Variants in KANK4 observed in about 807,000 individuals in gnomAD.
The protein encoded by KANK4 is KN motif and ankyrin repeat domains 4, also known as KN motif and ankyrin repeat domain-containing protein 4.
Under a neutral mutation model 80.8 loss-of-function variants are expected in KANK4, and 50 were observed. That is an observed-to-expected ratio of 0.62 (90% CI 0.49 to 0.78). The LOEUF (loss-of-function observed/expected upper bound fraction) is 0.78, where lower values mean the gene tolerates loss of function less well. Ranked by LOEUF, KANK4 falls within the 30% of genes least tolerant of loss-of-function variation. The pLI, the probability that KANK4 is intolerant of heterozygous loss-of-function variation, is 0.00. For synonymous variants in KANK4, 465 were observed against 506.9 expected (o/e 0.92, Z 1.11); for missense variants, 1,196 against 1,240.1 (o/e 0.96, Z 0.53).
chr1:62,309,421 T>C (rs779719182), intron 1 of KANK4, among the ~76,000 whole-genome samples: 1 of 152,194 alleles, frequency 6.6e-6, no homozygotes, highest in Non-Finnish European at 1.5e-5. Context: ...CCTGGTAGCA[T>C]CCACAGGCAG....
chr1:62,288,771 A>G (rs1672622995), intron 1 of KANK4, among the ~76,000 whole-genome samples: 1 of 151,880 alleles, frequency 6.6e-6, no homozygotes, highest in Admixed American at 6.6e-5. Flanking sequence ...AAAGACCCCC[A>G]CTCCACATCT....
intron 1 of KANK4, among the ~76,000 whole-genome samples, chr1:62,309,306 T>C (rs1644479571): frequency 6.6e-6 from 1 of 152,158 alleles, no homozygotes; most frequent in Non-Finnish European, 1.5e-5. Flanking sequence ...AGATTGCATG[T>C]CCTAATACCA....
At chr1:62,293,411 A>G (rs1375656808) in intron 1 of KANK4, among the ~76,000 whole-genome samples, 2 of 152,098 alleles carry the variant, frequency 1.3e-5, no homozygotes, top group Non-Finnish European at 2.9e-5. Flanking sequence ...CTTGAAATCT[A>G]TAATTCTCAA....
intron 8 of KANK4, among the ~76,000 whole-genome samples, chr1:62,250,088 C>G (rs188875894): frequency 1.3e-5 from 2 of 152,118 alleles, no homozygotes; most frequent in Non-Finnish European, 2.9e-5. Context: ...TGGGTTCAAG[C>G]GATTCTCCTG....
At chr1:62,318,245 T>C (rs1644558588) in intron 1 of KANK4, among the ~76,000 whole-genome samples, 3 of 152,196 alleles carry the variant, frequency 2.0e-5, no homozygotes, top group Admixed American at 2.0e-4. Flanking sequence ...ATACTCCCTC[T>C]TTGCCCTAAA....
chr1:62,238,531 T>C, intron 9 of KANK4, 150 bp from the exon 10 acceptor site: 1 of 601,142 alleles, frequency 1.7e-6, no homozygotes, highest in Non-Finnish European at 3.0e-6. Flanking sequence ...TCGAATGGCA[T>C]GAGGATCACC....
intron 1 of KANK4, among the ~76,000 whole-genome samples, chr1:62,292,015 C>T (rs1382284623): frequency 1.3e-5 from 2 of 152,152 alleles, no homozygotes; most frequent in Non-Finnish European, 2.9e-5. Flanking sequence ...ATGCCCTACT[C>T]GTTAGCAGTT....
rs1373272241 is a variant in KANK4 at position 62,274,400 on chromosome 1, G to A, written c.704C>T (p.Pro235Leu). ...PELVQEGAEP[P>L]EGVVKVPNHL... ...ATTTGGAACCTTCACCACACCCTCT[G>A]GAGGCTCAGCTCCCTCCTGGACCAG... Residue 235 changes from proline to leucine, a missense_variant, in exon 3 of 10, where the codon CCA becomes CTA. Coordinates refer to ENST00000371153, the MANE Select transcript of KANK4 (RefSeq NM_181712.5). The A allele has an allele frequency of 1.9e-6, 3 of 1,614,202 alleles. No homozygotes were observed. The highest frequency in any genetic ancestry group is 2.5e-6 in the Non-Finnish European group (3 of 1,180,024).
chr1:62,317,941 T>C (rs1448838216), intron 1 of KANK4, among the ~76,000 whole-genome samples: 2 of 152,150 alleles, frequency 1.3e-5, no homozygotes. Flanking sequence ...CAAAACTCAC[T>C]TTCCCCAGGT....
At chr1:62,254,341 G>A (rs1476027159) in intron 7 of KANK4, among the ~76,000 whole-genome samples, 1 of 152,094 alleles carries the variant, frequency 6.6e-6, no homozygotes, top group Non-Finnish European at 1.5e-5. Context: ...CTGCCTCCCG[G>A]GTTCAAGTGA....
Position 62,278,783 on chromosome 1 carries a change from G to A in KANK4, c.16+2766C>T, listed in dbSNP as rs78984883. Among the ~76,000 whole-genome samples the A allele has an allele frequency of 7.8e-4, 118 of 152,112 alleles. 1 individual carries two copies. Among genetic ancestry groups the A allele is most frequent in the African/African-American group, 2.8e-3 (116 of 41,508 alleles). On this transcript the variant is annotated intron_variant, in intron 2 of 9. Transcript: ENST00000371153. Reference sequence around the variant, plus strand: ...ACACTGGCAATTTTAGTAAATGAGAGCAATATCTTGTATTTCTCTCCATTA... The same window carrying A: ...ACACTGGCAATTTTAGTAAATGAGAACAATATCTTGTATTTCTCTCCATTA...
Position 62,238,160 on chromosome 1 carries a change from A to G in KANK4, c.*117T>C, listed in dbSNP as rs1218136875. On this transcript the variant is annotated 3_prime_UTR_variant, in exon 10 of 10. Transcript: ENST00000371153. ...ACAGGAATGTATGTGCATATTTGAC[A>G]TAGTTTCTTCTCTAGAAGGGTGGCT... is the stretch of plus-strand genomic sequence containing the variant. 6.2e-6 allele frequency: 4 copies of G among 650,034 alleles called. No homozygotes were observed. The highest frequency in any genetic ancestry group is 4.1e-5 in the South Asian group (2 of 48,808). The allele number at this position is 650,034 out of a possible 1,614,324, so 40.3% of individuals were successfully genotyped here. A position where few individuals can be genotyped will look rare whatever the true frequency, so the allele number is the denominator to read the frequency against.
chr1:62,263,824 C>T (rs1193740332), intron 6 of KANK4, among the ~76,000 whole-genome samples: 2 of 152,160 alleles, frequency 1.3e-5, no homozygotes, highest in Non-Finnish European at 2.9e-5. Context: ...AAATAAAACC[C>T]AAACAGGTGT....
At chr1:62,308,796 A>G (rs1644474403) in intron 1 of KANK4, among the ~76,000 whole-genome samples, 1 of 152,192 alleles carries the variant, frequency 6.6e-6, no homozygotes, top group African/African-American at 2.4e-5. Flanking sequence ...ACGATCTGGG[A>G]AAAATGTCAC....
chr1:62,244,167 C>A (rs1475710551), intron 9 of KANK4, among the ~76,000 whole-genome samples: 1 of 151,884 alleles, frequency 6.6e-6, no homozygotes, highest in African/African-American at 2.4e-5. Flanking sequence ...AGTCACTGAA[C>A]CTAGATTCAA....
rs976128008 is a variant in KANK4 at position 62,259,965 on chromosome 1, G to A, written c.2539+3127C>T. On this transcript the variant is annotated intron_variant, in intron 7 of 9. Coordinates refer to ENST00000371153, the MANE Select transcript of KANK4 (RefSeq NM_181712.5). ...ATTTGACCGAGGCCCATGCACTTTC[G>A]CTCAGCCTCATCATGCACCTGTCTT... is the stretch of plus-strand genomic sequence containing the variant. Among the ~76,000 whole-genome samples, 5 of 151,924 alleles carry A rather than the reference G, an allele frequency of 3.3e-5. No individual in the cohort carries two copies. The East Asian group carries it at 5.8e-4, about 18-fold the overall frequency.
chr1:62,253,130 A>C lies in KANK4; in HGVS notation c.2619T>G (p.Asn873Lys). ...GCTTCCAGACAACAGCCATGTCTTC[A>C]TTGGTCTCTGCGGAAGCCAAGGGAG... ...MITPLASAETNEDMAVVWKLL... is the reference protein window; with the variant it reads ...MITPLASAETKEDMAVVWKLL... Residue 873 changes from asparagine to lysine, a missense_variant, in exon 8 of 10, where the codon AAT becomes AAG. This residue lies in a region of KANK4 where 1,154 missense variants were observed against 1,179.6 expected (regional missense o/e 0.98). Coordinates refer to ENST00000371153, the MANE Select transcript of KANK4 (RefSeq NM_181712.5). 6.2e-7 allele frequency: 1 copy of C among 1,613,962 alleles called. No homozygotes were observed. Among genetic ancestry groups the C allele is most frequent in the Non-Finnish European group, 8.5e-7 (1 of 1,179,946 alleles).
At chr1:62,238,632 C>CTTTTT (rs199999610) in intron 9 of KANK4, among the ~76,000 whole-genome samples, 1 of 142,216 alleles carries the variant, frequency 7.0e-6, no homozygotes. Context: ...TTTTAATGCT[C>CTTTTT]TTTTTTTTTT....
intron 1 of KANK4, among the ~76,000 whole-genome samples, chr1:62,300,037 C>A (rs1450646253): frequency 1.3e-5 from 2 of 152,076 alleles, no homozygotes; most frequent in African/African-American, 4.8e-5. Flanking sequence ...ACCTGCCAAG[C>A]CCAACACAAA....
Sources: gnomAD v4.1 joint callset for allele counts (sites outside exome capture counted in the v4.1 genomes callset) on GRCh38, gnomAD v4.1.1 for gene constraint, gnomAD v4.1.1 regional missense constraint, MANE v1.5 for transcripts, NCBI Gene and HGNC (gene_info 2026-07-23, HGNC 2026-07-21) for gene names.